ZBTB20: variants seen among roughly 807,000 people sequenced by gnomAD.
ZBTB20 encodes zinc finger and BTB domain containing 20.
Under a neutral mutation model 56.9 loss-of-function variants are expected in ZBTB20, and 9 were observed. The ratio of observed to expected loss-of-function variants is 0.16; its 90% CI spans 0.10 to 0.28. The LOEUF is 0.28. Among genes scored for constraint, ZBTB20 ranks in the 10% least tolerant of loss-of-function variants. The pLI is 1.00. For synonymous variants in ZBTB20, 417 were observed against 420.7 expected, an observed-to-expected ratio of 0.99 and a Z score of 0.11; for missense variants, 655 against 1,003.0, an observed-to-expected ratio of 0.65 and a Z score of 4.69.
At chr3:114,678,034 A>G (rs2061734565) in intron 6 of ZBTB20, among the ~76,000 whole-genome samples, 1 of 152,210 alleles carries the variant, frequency 6.6e-6, no homozygotes, top group Non-Finnish European at 1.5e-5. Flanking sequence ...TGACTAAAGA[A>G]AGGCAAAGCA....
chr3:114,792,374 A>G (rs1194498247), intron 5 of ZBTB20, among the ~76,000 whole-genome samples: 3 of 152,288 alleles, frequency 2.0e-5, no homozygotes, highest in Middle Eastern at 3.4e-3. Flanking sequence ...GCTAAGCAGG[A>G]AAGATATTTT....
intron 5 of ZBTB20, among the ~76,000 whole-genome samples, chr3:114,754,397 A>C (rs1314191526): frequency 1.3e-5 from 2 of 152,094 alleles, no homozygotes; most frequent in Non-Finnish European, 2.9e-5. Flanking sequence ...TGGGAGATAA[A>C]ATCTCCCACT....
chr3:115,112,315 T>G (rs2083901896), intron 1 of ZBTB20, among the ~76,000 whole-genome samples: 1 of 151,148 alleles, frequency 6.6e-6, no homozygotes, highest in African/African-American at 2.4e-5. Flanking sequence ...TGTGGTTTTC[T>G]TTTTTTTTGA....
At chr3:114,839,465 AAGAG>A (rs1553842183) in intron 4 of ZBTB20, among the ~76,000 whole-genome samples, 2 of 148,258 alleles carry the variant, frequency 1.3e-5, no homozygotes, top group Non-Finnish European at 1.5e-5. Flanking sequence ...GAAAGAAAGA[AAGAG>A]AGAGAGAAAG....
chr3:114,703,963 C>T (rs925047773), intron 5 of ZBTB20, among the ~76,000 whole-genome samples: 1 of 152,104 alleles, frequency 6.6e-6, no homozygotes, highest in South Asian at 2.1e-4. Flanking sequence ...AATAGATATT[C>T]TTTTCTTATT....
Position 114,698,396 on chromosome 3 carries a change from T to C in ZBTB20, c.-342-4821A>G, listed in dbSNP as rs1387989420. Among the ~76,000 whole-genome samples the C allele has an allele frequency of 5.3e-5, 8 of 152,218 alleles. No homozygotes were observed. The East Asian group carries it at 1.4e-3, about 26-fold the overall frequency. Reference sequence around the variant, plus strand: ...AAATTTAAATAATTTCTTATGTCTATGGAGAGCCTTTTACTTTTGTTTGGG... The same window carrying C: ...AAATTTAAATAATTTCTTATGTCTACGGAGAGCCTTTTACTTTTGTTTGGG... On this transcript the variant is annotated intron_variant, in intron 5 of 11. Coordinates refer to ENST00000675478, the MANE Select transcript of ZBTB20 (RefSeq NM_001348800.3).
Position 114,334,872 on chromosome 3 carries a change from GAGATTTTCATTTC to G in ZBTB20, c.*4120_*4132del, listed in dbSNP as rs1195132132. ...AGATACAGGAAACCATTTTGATACA[GAGATTTTCATTTC>G]AGATTTTTTTTCTTTGCTTAGCTTG... On this transcript the variant is annotated 3_prime_UTR_variant, in exon 12 of 12. Coordinates refer to ENST00000675478, the MANE Select transcript of ZBTB20 (RefSeq NM_001348800.3). The G allele has an allele frequency of 6.6e-6, 1 of 152,182 alleles. No homozygotes were observed. Among genetic ancestry groups the G allele is most frequent in the Non-Finnish European group, 1.5e-5 (1 of 68,026 alleles). 9.4% of individuals were successfully genotyped at this position (152,182 alleles called of 1,614,324 possible). A position where few individuals can be genotyped will look rare whatever the true frequency, so the allele number is the denominator to read the frequency against.
chr3:114,789,399 T>C (rs1214261378), intron 5 of ZBTB20, among the ~76,000 whole-genome samples: 3 of 152,214 alleles, frequency 2.0e-5, no homozygotes, highest in African/African-American at 7.2e-5. Context: ...TGGGTTCCTA[T>C]AAGCGGTTAG....
chr3:115,139,394 T>C lies in ZBTB20; in HGVS notation c.-703+7825A>G, dbSNP rs182610044. Among the ~76,000 whole-genome samples, 220 of 152,198 alleles carry C rather than the reference T, an allele frequency of 1.4e-3. 2 individuals are homozygous for C. The highest frequency in any genetic ancestry group is 1.8e-3 in the Non-Finnish European group (121 of 67,912). On this transcript the variant is annotated intron_variant, in intron 1 of 11. Transcript: ENST00000675478. ...ATTAAAGATATATCAAGTAGGTATA[T>C]AGAAATTGTATATAGTTGTTTCTTT...
At chr3:114,689,191 T>C (rs2062546457) in intron 6 of ZBTB20, among the ~76,000 whole-genome samples, 1 of 152,154 alleles carries the variant, frequency 6.6e-6, no homozygotes, top group Admixed American at 6.6e-5. Context: ...CTCATTACGG[T>C]AATGTCATAA....
chr3:114,814,319 G>A (rs2072773870), intron 4 of ZBTB20, among the ~76,000 whole-genome samples: 1 of 150,328 alleles, frequency 6.7e-6, no homozygotes, highest in Admixed American at 6.6e-5. Flanking sequence ...GTACATGTAT[G>A]TATCATTTAA....
In ZBTB20 at chr3:114,490,079, T is replaced by C. The variant is rs142464345; in HGVS notation, c.-255+10273A>G. ...AGGTCTGGAAGCTGTTTTTGGAGGC[T>C]GATGGTGTAGATCACCATTAGGGAT... On this transcript the variant is annotated intron_variant, in intron 7 of 11. Coordinates refer to ENST00000675478, the MANE Select transcript of ZBTB20 (RefSeq NM_001348800.3). 5.6e-3 allele frequency among the ~76,000 whole-genome samples: 848 copies of C among 152,092 alleles called. 22 individuals carry two copies. The highest frequency in any genetic ancestry group is 0.053 in the Admixed American group (805 of 15,294).
chr3:114,907,839 G>A (rs1411031828), intron 3 of ZBTB20, among the ~76,000 whole-genome samples: 2 of 151,918 alleles, frequency 1.3e-5, no homozygotes, highest in East Asian at 1.9e-4. Flanking sequence ...TGATCTCATG[G>A]AGATTATATA....
chr3:114,394,196 T>C (rs1360966886), intron 7 of ZBTB20, among the ~76,000 whole-genome samples: 2 of 152,216 alleles, frequency 1.3e-5, no homozygotes, highest in African/African-American at 2.4e-5. Context: ...AGCAATGCTA[T>C]GGTGTATGTT....
intron 6 of ZBTB20, among the ~76,000 whole-genome samples, chr3:114,556,843 C>A (rs2051289624): frequency 6.6e-6 from 1 of 152,024 alleles, no homozygotes; most frequent in Non-Finnish European, 1.5e-5. Context: ...ATAAGAAGCT[C>A]TCAGTATACT....
intron 6 of ZBTB20, among the ~76,000 whole-genome samples, chr3:114,510,452 G>C (rs1230206148): frequency 1.3e-5 from 2 of 151,716 alleles, no homozygotes; most frequent in African/African-American, 4.8e-5. Context: ...TCTGGAGGAA[G>C]TGACCCACCC....
rs898381660 is a variant in ZBTB20, at chr3:114,681,348, T to A, written c.-295+12180A>T. On this transcript the variant is annotated intron_variant, in intron 6 of 11. Coordinates refer to ENST00000675478, the MANE Select transcript of ZBTB20 (RefSeq NM_001348800.3). Reference sequence around the variant, plus strand: ...GTTAATTTTTGTATTGTTAGTAGAGTTGGGGTTTTGCCATGTTGGCTAGGC... The same window carrying A: ...GTTAATTTTTGTATTGTTAGTAGAGATGGGGTTTTGCCATGTTGGCTAGGC... Among the ~76,000 whole-genome samples, 83 of 151,530 alleles carry A rather than the reference T, an allele frequency of 5.5e-4. 1 individual carries two copies. The highest frequency in any genetic ancestry group is 1.9e-3 in the African/African-American group (78 of 41,286).
At chr3:114,572,353 A>G (rs1273141848) in intron 6 of ZBTB20, among the ~76,000 whole-genome samples, 2 of 152,236 alleles carry the variant, frequency 1.3e-5, no homozygotes, top group African/African-American at 4.8e-5. Flanking sequence ...TACCCAAGGA[A>G]CTTTTCCTTA....
intron 6 of ZBTB20, among the ~76,000 whole-genome samples, chr3:114,553,303 T>A (rs11914908): frequency 0.015 from 2,308 of 152,318 alleles, 57 homozygotes; most frequent in African/African-American, 0.052. Context: ...TCTAGCAATG[T>A]ACATTAGGCA....
Sources: allele counts gnomAD v4.1 joint callset (sites outside exome capture counted in the v4.1 genomes callset), GRCh38; gene constraint gnomAD v4.1.1; transcripts MANE v1.5; gene names NCBI Gene and HGNC (gene_info 2026-07-23, HGNC 2026-07-21).